SPAG16: variants seen among roughly 807,000 people sequenced by gnomAD.
SPAG16 encodes sperm associated antigen 16, also known as sperm-associated antigen 16 protein.
SPAG16 carries 86 observed loss-of-function variants against 80.4 expected under a neutral mutation model. The observed-to-expected ratio is 1.07, with a 90% CI of 0.90 to 1.28. The LOEUF (loss-of-function observed/expected upper bound fraction) is 1.28, where lower values mean the gene tolerates loss of function less well. SPAG16 is among the 50% of genes most tolerant of loss of function. The pLI is 0.00. For synonymous variants in SPAG16, 294 were observed against 265.9 expected (o/e 1.11, Z -1.03); for missense variants, 870 against 765.3 (o/e 1.14, Z -1.61).
chr2:214,351,190 C>T (rs6737229), intron 15 of SPAG16, among the ~76,000 whole-genome samples: 148,104 of 152,306 alleles, frequency 0.97, 72,167 homozygotes, highest in Middle Eastern at 1. Context: ...AATATTAATG[C>T]AGAAAGCAAA....
At chr2:213,736,827 T>C (rs761074901) in intron 10 of SPAG16, among the ~76,000 whole-genome samples, 1 of 151,734 alleles carries the variant, frequency 6.6e-6, no homozygotes, top group Non-Finnish European at 1.5e-5. Flanking sequence ...GCCTCAGCCT[T>C]CCAAGTAGCT....
intron 9 of SPAG16, among the ~76,000 whole-genome samples, chr2:213,409,193 G>A (rs1383312402): frequency 6.6e-6 from 1 of 151,226 alleles, no homozygotes; most frequent in Non-Finnish European, 1.5e-5. Context: ...TGAAAGTTGT[G>A]GGAAAAAAAG....
intron 15 of SPAG16, among the ~76,000 whole-genome samples, chr2:214,259,594 A>G (rs1397742808): frequency 1.4e-5 from 2 of 143,624 alleles, no homozygotes; most frequent in East Asian, 2.1e-4. Context: ...TCCTTCTTCC[A>G]GGCGTTCACT....
intron 15 of SPAG16, among the ~76,000 whole-genome samples, chr2:214,405,779 A>G (rs2126154324): frequency 6.6e-6 from 1 of 152,308 alleles, no homozygotes; most frequent in East Asian, 1.9e-4. Flanking sequence ...CCTGGGCAAT[A>G]AGAGTGAAAC....
chr2:214,191,342 A>G (rs1330466224), intron 15 of SPAG16, among the ~76,000 whole-genome samples: 2 of 152,076 alleles, frequency 1.3e-5, no homozygotes, highest in African/African-American at 4.8e-5. Flanking sequence ...TATACCAACT[A>G]ATGTTATACC....
At chr2:213,621,510 G>A (rs2061783751) in intron 10 of SPAG16, among the ~76,000 whole-genome samples, 1 of 152,110 alleles carries the variant, frequency 6.6e-6, no homozygotes, top group African/African-American at 2.4e-5. Flanking sequence ...TTTAATTTCA[G>A]GAGGCGAAAT....
At chr2:214,385,581 C>T (rs1033233587) in intron 15 of SPAG16, among the ~76,000 whole-genome samples, 1 of 152,226 alleles carries the variant, frequency 6.6e-6, no homozygotes, top group African/African-American at 2.4e-5. Flanking sequence ...CAGTGGCTTA[C>T]ACCTGTAATC....
At chr2:213,572,520 G>C (rs955777574) in intron 10 of SPAG16, among the ~76,000 whole-genome samples, 1 of 151,816 alleles carries the variant, frequency 6.6e-6, no homozygotes, top group Non-Finnish European at 1.5e-5. Context: ...GTATGCCCCT[G>C]CTGGGGGGTG....
chr2:213,390,024 A>G (rs796767257), intron 9 of SPAG16, among the ~76,000 whole-genome samples: 57 of 152,322 alleles, frequency 3.7e-4, no homozygotes, highest in African/African-American at 1.4e-3. Context: ...AATGTGGTAT[A>G]TACATACAAT....
intron 10 of SPAG16, among the ~76,000 whole-genome samples, chr2:213,524,426 A>G (rs905019614): frequency 6.6e-6 from 1 of 152,154 alleles, no homozygotes; most frequent in African/African-American, 2.4e-5. Context: ...CTGTGAGAAG[A>G]GGGCCACCAT....
intron 9 of SPAG16, among the ~76,000 whole-genome samples, chr2:213,429,130 A>G (rs1456069438): frequency 6.6e-6 from 1 of 150,818 alleles, no homozygotes; most frequent in Non-Finnish European, 1.5e-5. Context: ...GGTGGGTCCT[A>G]TATTCGTTTG....
At chr2:214,313,734 A>C (rs930075516) in intron 15 of SPAG16, among the ~76,000 whole-genome samples, 1 of 152,032 alleles carries the variant, frequency 6.6e-6, no homozygotes, top group African/African-American at 2.4e-5. Context: ...TTTATTTCCA[A>C]AATAAAAGTC....
intron 15 of SPAG16, among the ~76,000 whole-genome samples, chr2:214,387,034 T>C (rs1160383958): frequency 6.6e-6 from 1 of 152,154 alleles, no homozygotes; most frequent in Non-Finnish European, 1.5e-5. Context: ...ATTATCTTTT[T>C]ACCTGGAGCA....
intron 9 of SPAG16, among the ~76,000 whole-genome samples, chr2:213,404,412 C>T (rs1389103954): frequency 1.3e-5 from 2 of 152,144 alleles, no homozygotes; most frequent in East Asian, 3.8e-4. Flanking sequence ...TGCATATCTA[C>T]AACTATCTGA....
intron 9 of SPAG16, among the ~76,000 whole-genome samples, chr2:213,474,154 C>G (rs1012299581): frequency 6.6e-6 from 1 of 152,206 alleles, no homozygotes; most frequent in Non-Finnish European, 1.5e-5. Flanking sequence ...CCATCTTCAT[C>G]AGCATCCTTC....
In SPAG16 at chr2:213,407,417, G is replaced by T. The variant is rs73990345; in HGVS notation, c.942+32298G>T. On this transcript the variant is annotated intron_variant, in intron 9 of 15. Coordinates refer to ENST00000331683, the MANE Select transcript of SPAG16 (RefSeq NM_024532.5). ...AGGTGAGACACCCCCTGGTTTACGGGGTTGAGCCTTCCGGGACAGGCAAGG... is the reference window on the plus strand; with the variant it reads ...AGGTGAGACACCCCCTGGTTTACGGTGTTGAGCCTTCCGGGACAGGCAAGG... Among the ~76,000 whole-genome samples, 304 of 152,004 alleles carry T rather than the reference G, an allele frequency of 2.0e-3. 2 individuals are homozygous for T. The highest frequency in any genetic ancestry group is 6.9e-3 in the African/African-American group (285 of 41,368).
intron 15 of SPAG16, among the ~76,000 whole-genome samples, chr2:214,304,213 A>C (rs964176928): frequency 1.3e-5 from 2 of 152,202 alleles, no homozygotes; most frequent in African/African-American, 4.8e-5. Flanking sequence ...TGTTGGGAAC[A>C]GGCCCCCCAA....
intron 15 of SPAG16, among the ~76,000 whole-genome samples, chr2:214,159,952 A>G (rs997818185): frequency 1.3e-5 from 2 of 151,986 alleles, no homozygotes; most frequent in Non-Finnish European, 1.5e-5. Flanking sequence ...AATTCGGTTG[A>G]CAAATATTTA....
chr2:213,486,144 T>C (rs982349275), intron 9 of SPAG16, among the ~76,000 whole-genome samples: 3 of 152,248 alleles, frequency 2.0e-5, no homozygotes, highest in Middle Eastern at 3.4e-3. Context: ...GTCACCCTAC[T>C]GATCTACAGA....
Sources: allele counts gnomAD v4.1 joint callset (sites outside exome capture counted in the v4.1 genomes callset), GRCh38; gene constraint gnomAD v4.1.1; transcripts MANE v1.5; gene names NCBI Gene and HGNC (gene_info 2026-07-23, HGNC 2026-07-21).